The following IL12RB2 variants were observed in gnomAD, a reference collection of about 807,000 sequenced individuals.
The protein encoded by IL12RB2 is interleukin-12 receptor subunit beta-2.
IL12RB2 carries 82 observed loss-of-function variants against 89.4 expected under a neutral mutation model. That is an observed-to-expected ratio of 0.92 (90% CI 0.77 to 1.10). The LOEUF is 1.10. Ranked by LOEUF, IL12RB2 falls within the 50% of genes least tolerant of loss-of-function variation. IL12RB2 has a pLI of 0.00. For synonymous variants in IL12RB2, 368 were observed against 370.1 expected (o/e 0.99, Z 0.07); for missense variants, 963 against 1,031.9 (o/e 0.93, Z 0.92).
chr1:67,347,997 A>AGAC (rs1366934613), intron 9 of IL12RB2, among the ~76,000 whole-genome samples: 3 of 152,196 alleles, frequency 2.0e-5, no homozygotes, highest in Non-Finnish European at 2.9e-5. Context: ...ATGGGACATT[A>AGAC]GACATAAAAC....
chr1:67,395,817 AG>A lies in IL12RB2; in HGVS notation c.2321del (p.Gly774AlafsTer32). 6.2e-7 allele frequency: 1 copy of A among 1,612,832 alleles called. No individual in the cohort carries two copies. Among genetic ancestry groups the A allele is most frequent in the Non-Finnish European group, 8.5e-7 (1 of 1,179,002 alleles). On this transcript the variant is annotated frameshift_variant, in exon 17 of 17. Coordinates refer to ENST00000674203, the MANE Select transcript of IL12RB2 (RefSeq NM_001374259.2). LOFTEE classifies it low-confidence loss of function (END_TRUNC). ...LVDLYKVLESRGSDPKPENPA... is the reference protein window; with the variant it reads ...LVDLYKVLESXGSDPKPENPA... Reference sequence around the variant, plus strand: ...GGATCTGTACAAGGTGCTGGAGAGCAGGGGCTCCGACCCAAAGCCCGAAAAC... The same window carrying A: ...GGATCTGTACAAGGTGCTGGAGAGCAGGGCTCCGACCCAAAGCCCGAAAAC...
chr1:67,390,109 A>T lies in IL12RB2; in HGVS notation c.2027A>T (p.Lys676Met). The T allele has an allele frequency of 8.0e-7, 1 of 1,246,064 alleles. No homozygotes were observed. The highest frequency in any genetic ancestry group is 1.2e-6 in the Non-Finnish European group (1 of 843,440). 77.2% of individuals were successfully genotyped at this position (1,246,064 alleles called of 1,614,324 possible). A position where few individuals can be genotyped will look rare whatever the true frequency, so the allele number is the denominator to read the frequency against. The change falls in exon 16 of 17, where the codon AAG becomes ATG. Residue 676 changes from lysine (K) to methionine (M), a missense_variant. By Grantham distance (95) the Lys-to-Met change is moderately conservative. Coordinates refer to ENST00000674203, the MANE Select transcript of IL12RB2 (RefSeq NM_001374259.2). ...GATCCAGCAAATAGCACTTGCGCTA[A>T]GAAATATCCCATTGCAGAGGTAAGG... Reference protein sequence around the residue: ...IPDPANSTCAKKYPIAEEKTQ... With the variant: ...IPDPANSTCAMKYPIAEEKTQ...
intron 15 of IL12RB2, among the ~76,000 whole-genome samples, chr1:67,389,264 T>C (rs1445351623): frequency 2.6e-5 from 4 of 152,050 alleles, no homozygotes; most frequent in African/African-American, 9.7e-5. Context: ...TGCTCATATT[T>C]CTTTGGAGAA....
intron 13 of IL12RB2, among the ~76,000 whole-genome samples, chr1:67,377,624 T>A (rs1199717698): frequency 2.6e-5 from 4 of 152,066 alleles, no homozygotes; most frequent in Non-Finnish European, 4.4e-5. Flanking sequence ...ATGTAAAATG[T>A]AGATTCACTG....
chr1:67,371,048 G>A lies in IL12RB2; in HGVS notation c.1460-1388G>A, dbSNP rs528422603. Reference sequence around the variant, plus strand: ...GCGGTGGTTGGTTGGCCCCTTTCACGACTAGGGGCAGAACAGCCAGGCACT... The same window carrying A: ...GCGGTGGTTGGTTGGCCCCTTTCACAACTAGGGGCAGAACAGCCAGGCACT... On this transcript the variant is annotated intron_variant, in intron 11 of 16. Transcript: ENST00000674203. 5.3e-5 allele frequency among the ~76,000 whole-genome samples: 8 copies of A among 152,252 alleles called. No homozygotes were observed. In the East Asian group the frequency reaches 1.5e-3, roughly 29 times the overall value.
intron 4 of IL12RB2, among the ~76,000 whole-genome samples, chr1:67,324,894 C>G (rs113282236): frequency 0.02 from 3,035 of 152,304 alleles, 40 homozygotes; most frequent in Non-Finnish European, 0.031. Flanking sequence ...TTGAGAAAGA[C>G]TCTGATGTTT....
rs756536532 is a variant in IL12RB2 at position 67,396,061 on chromosome 1, A to C, written c.2561A>C (p.Lys854Thr). Residue 854 changes from lysine to threonine, a missense_variant, in exon 17 of 17, where the codon AAG becomes ACG. Lys to Thr is a moderately conservative substitution (Grantham distance 78). Transcript: ENST00000674203. Reference sequence around the variant, plus strand: ...GATAAGCTGACTCTGGATCAGTTAAAGATGAGGTGTGACTCCCTCATGCTC... The same window carrying C: ...GATAAGCTGACTCTGGATCAGTTAACGATGAGGTGTGACTCCCTCATGCTC... ...CGDKLTLDQL[K>T]MRCDSLML 4 of 1,608,938 alleles carry C rather than the reference A, an allele frequency of 2.5e-6. No individual in the cohort carries two copies. Among genetic ancestry groups the C allele is most frequent in the Admixed American group, 1.7e-5 (1 of 60,024 alleles).
intron 15 of IL12RB2, among the ~76,000 whole-genome samples, chr1:67,387,173 A>C (rs7529985): frequency 0.47 from 70,705 of 150,274 alleles, 18,726 homozygotes; most frequent in Non-Finnish European, 0.58. Context: ...CAAGTGATCC[A>C]CCTGCCTCAG....
At chr1:67,381,550 T>C (rs1279811152) in intron 14 of IL12RB2, among the ~76,000 whole-genome samples, 1 of 151,738 alleles carries the variant, frequency 6.6e-6, no homozygotes, top group Non-Finnish European at 1.5e-5. Context: ...GATCATGAGG[T>C]CAGGAGATCG....
intron 10 of IL12RB2, among the ~76,000 whole-genome samples, chr1:67,356,188 C>T (rs1336190157): frequency 6.6e-6 from 1 of 152,238 alleles, no homozygotes; most frequent in Non-Finnish European, 1.5e-5. Context: ...TCTACAGGCT[C>T]TACCACTAAA....
At chr1:67,393,371 C>G (rs1666031781) in intron 16 of IL12RB2, among the ~76,000 whole-genome samples, 1 of 152,242 alleles carries the variant, frequency 6.6e-6, no homozygotes, top group Non-Finnish European at 1.5e-5. Context: ...GAGGACTTGG[C>G]AGCCAGAGGG....
intron 16 of IL12RB2, among the ~76,000 whole-genome samples, chr1:67,395,283 A>G (rs971949621): frequency 1.3e-5 from 2 of 149,024 alleles, no homozygotes; most frequent in Admixed American, 1.3e-4. Context: ...AAAAAAAAAA[A>G]AGAAAGAAAG....
chr1:67,321,594 T>A lies in IL12RB2; in HGVS notation c.77-8T>A. 6.4e-7 allele frequency: 1 copy of A among 1,563,070 alleles called. No individual in the cohort carries two copies. Among genetic ancestry groups the A allele is most frequent in the Non-Finnish European group, 8.8e-7 (1 of 1,133,888 alleles). ...CCAACTAAATATTGCATCTGTATCTTATTGCAGATGCGTGCAAGAGAGGCG... is the reference window on the plus strand; with the variant it reads ...CCAACTAAATATTGCATCTGTATCTAATTGCAGATGCGTGCAAGAGAGGCG... On this transcript the variant is annotated splice_region_variant and splice_polypyrimidine_tract_variant and intron_variant, in intron 3 of 16. Transcript: ENST00000674203.
At chr1:67,386,506 C>T (rs1665163220) in intron 14 of IL12RB2, 73 bp from the exon 15 acceptor site, 2 of 995,126 alleles carry the variant, frequency 2.0e-6, no homozygotes, top group Non-Finnish European at 3.3e-6. Flanking sequence ...CCAGAGGGCG[C>T]ATACACCAAT....
At chr1:67,313,695 G>T (rs1242287349) in intron 1 of IL12RB2, among the ~76,000 whole-genome samples, 2 of 152,206 alleles carry the variant, frequency 1.3e-5, no homozygotes, top group East Asian at 3.9e-4. Flanking sequence ...GTGTGGTGGC[G>T]CATGCTTATA....
intron 14 of IL12RB2, among the ~76,000 whole-genome samples, chr1:67,384,169 C>T (rs1259662089): frequency 6.6e-6 from 1 of 152,218 alleles, no homozygotes; most frequent in Non-Finnish European, 1.5e-5. Context: ...TCCATAAGGG[C>T]TCCGCCCCTG....
intron 9 of IL12RB2, among the ~76,000 whole-genome samples, chr1:67,339,026 A>G (rs1437056869): frequency 4.8e-5 from 7 of 146,190 alleles, no homozygotes; most frequent in Non-Finnish European, 9.0e-5. Context: ...CCTCTCCTAC[A>G]TAAATATGCC....
At chr1:67,386,431 C>T (rs1368713926) in intron 14 of IL12RB2, 148 bp from the exon 15 acceptor site, 5 of 708,146 alleles carry the variant, frequency 7.1e-6, no homozygotes, top group South Asian at 1.4e-5. Flanking sequence ...ATTTCCCGCA[C>T]TGCATAGACA....
At chr1:67,394,588 G>C (rs1425316409) in intron 16 of IL12RB2, among the ~76,000 whole-genome samples, 1 of 152,126 alleles carries the variant, frequency 6.6e-6, no homozygotes, top group Admixed American at 6.6e-5. Context: ...TTCCAAAGTA[G>C]TCTTTCTTAA....
Sources: gnomAD v4.1 joint callset for allele counts (sites outside exome capture counted in the v4.1 genomes callset) on GRCh38, gnomAD v4.1.1 for gene constraint, MANE v1.5 for transcripts, NCBI Gene and HGNC (gene_info 2026-07-23, HGNC 2026-07-21) for gene names.